The following CACNB1 variants were observed in gnomAD, a reference collection of about 807,000 sequenced individuals.
CACNB1 encodes the protein voltage-dependent L-type calcium channel subunit beta-1.
CACNB1 carries 29 observed loss-of-function variants against 71.6 expected under a neutral mutation model. The observed-to-expected ratio is 0.40, with a 90% CI of 0.30 to 0.55. The LOEUF (loss-of-function observed/expected upper bound fraction) is 0.55. Ranked by LOEUF, CACNB1 falls within the 20% of genes least tolerant of loss-of-function variation. The probability of loss-of-function intolerance (pLI) is 0.38; values close to 1 mark genes in which losing one functional copy is unlikely to be tolerated. For synonymous variants in CACNB1, 300 were observed against 319.6 expected (o/e 0.94, Z 0.65); for missense variants, 623 against 801.8 (o/e 0.78, Z 2.69).
At position 39,197,420 on chromosome 17, in the gene CACNB1, TG is replaced by T; in HGVS notation, c.75del (p.Ser26AlafsTer56). On this transcript the variant is annotated frameshift_variant, in exon 1 of 14. Transcript: ENST00000394303. LOFTEE classifies it high-confidence loss of function. ...GGGCCACCACGCCTCACCTGCGGGC[TG>T]GGGTCGAAGACCTCCATGGGGATCT... is the stretch of plus-strand genomic sequence containing the variant. Reference protein sequence around the residue: ...SQEIPMEVFDPSPQGKYSKRK... With the variant: ...SQEIPMEVFDXSPQGKYSKRK... 1 of 1,464,702 alleles carries T rather than the reference TG, an allele frequency of 6.8e-7. No individual in the cohort carries two copies. The highest frequency in any genetic ancestry group is 1.4e-5 in the South Asian group (1 of 73,272). The allele number at this position is 1,464,702 out of a possible 1,614,324, so 90.7% of individuals were successfully genotyped here. A position where few individuals can be genotyped will look rare whatever the true frequency, so the allele number is the denominator to read the frequency against.
intron 7 of CACNB1, 62 bp downstream of exon 7, chr17:39,185,069 G>C: frequency 6.7e-7 from 1 of 1,493,984 alleles, no homozygotes; most frequent in Non-Finnish European, 9.3e-7. Flanking sequence ...ATGGGTGTTA[G>C]AAGGTCCCCC....
In CACNB1 at chr17:39,184,862, T is replaced by C; in HGVS notation, c.651A>G (p.Thr217=). 1 of 1,272,844 alleles carries C rather than the reference T, an allele frequency of 7.9e-7. No homozygotes were observed. Among genetic ancestry groups the C allele is most frequent in the Non-Finnish European group, 1.1e-6 (1 of 881,822 alleles). 78.8% of individuals were successfully genotyped at this position (1,272,844 alleles called of 1,614,324 possible). A position where few individuals can be genotyped will look rare whatever the true frequency, so the allele number is the denominator to read the frequency against. Residue 217 remains threonine (T), a splice_region_variant and synonymous_variant, in exon 8 of 14, where the codon ACA becomes ACG. Transcript: ENST00000394303. ...CCACGTCATAGGGGGGCACATGCTCTGTCTGGGGGGGGAAGCAGGGAGGGG... is the reference window on the plus strand; with the variant it reads ...CCACGTCATAGGGGGGCACATGCTCCGTCTGGGGGGGGAAGCAGGGAGGGG... ...PASAKQKQKS[T]EHVPPYDVVP...
At position 39,186,654 on chromosome 17, in the gene CACNB1, G is replaced by A. The variant is rs984295342; in HGVS notation, c.552-82C>T. 1.5e-5 allele frequency: 22 copies of A among 1,506,994 alleles called. No individual in the cohort carries two copies. The highest frequency in any genetic ancestry group is 3.5e-4 in the Middle Eastern group (2 of 5,784). 93.4% of individuals were successfully genotyped at this position (1,506,994 alleles called of 1,614,324 possible). A position where few individuals can be genotyped will look rare whatever the true frequency, so the allele number is the denominator to read the frequency against. ...TCATCCTCTCACATGCGGCACCCCCGGAGGTGCTCCAGCCCCACTGGTGAT... is the reference window on the plus strand; with the variant it reads ...TCATCCTCTCACATGCGGCACCCCCAGAGGTGCTCCAGCCCCACTGGTGAT... On this transcript the variant is annotated intron_variant, in intron 5 of 13. Transcript: ENST00000394303. The surrounding 1 kb of genome is among the most constrained non-coding windows in gnomAD (Gnocchi z 4.1).
At position 39,186,130 on chromosome 17, in the gene CACNB1, G is replaced by C. The variant is rs748774678; in HGVS notation, c.628+366C>G. The stretch of plus-strand genomic sequence containing the variant: ...CTGGACCGGAGAGTCAGGAGAGAGG[G>C]AGGAGGGAGGCGAGGTGGGGAGAAG... On this transcript the variant is annotated intron_variant, in intron 6 of 13. Coordinates refer to ENST00000394303, the MANE Select transcript of CACNB1 (RefSeq NM_000723.5). The surrounding 1 kb of genome is among the most constrained non-coding windows in gnomAD (Gnocchi z 4.1). The C allele has an allele frequency of 2.7e-5, 43 of 1,607,946 alleles. No individual in the cohort carries two copies. The highest frequency in any genetic ancestry group is 3.4e-5 in the Non-Finnish European group (40 of 1,175,326).
At chr17:39,185,894 C>A in intron 6 of CACNB1, 1 of 1,566,120 alleles carries the variant, frequency 6.4e-7, no homozygotes, top group Non-Finnish European at 8.7e-7. Context: ...CCCTTCCCTC[C>A]ACCAAAGTGC....
At position 39,175,396 on chromosome 17, in the gene CACNB1, G is replaced by A. The variant is rs1385199844; in HGVS notation, c.1594C>T (p.Leu532Phe). 4 of 1,614,188 alleles carry A rather than the reference G, an allele frequency of 2.5e-6. No individual in the cohort carries two copies. The East Asian group carries it at 6.7e-5, about 27-fold the overall frequency. The stretch of plus-strand genomic sequence containing the variant: ...GTGCCGCCCCCTGCAGGGTCTCCAA[G>A]CCCTGGCCCCTCTGAGGGGTCAGTC... ...METDPSEGPG[L>F]GDPAGGGTPP... The change falls in exon 14 of 14, where the codon CTT (leucine) becomes TTT (phenylalanine). Residue 532 changes from leucine to phenylalanine, a missense_variant. Physicochemically the swap from Leu to Phe is conservative, Grantham distance 22. Transcript: ENST00000394303. This position sits in a 1 kb window ranked among gnomAD's most constrained non-coding sequence, Gnocchi z 4.7.
In CACNB1 at chr17:39,197,527, G is replaced by A; in HGVS notation, c.-32C>T. ...GAGCCTCCCCTCCCGCCGCCGGCCC[G>A]GCCCAGCCGGGCTCCCTCAGCGCAT... On this transcript the variant is annotated 5_prime_UTR_variant, in exon 1 of 14. Coordinates refer to ENST00000394303, the MANE Select transcript of CACNB1 (RefSeq NM_000723.5). 3 of 1,456,846 alleles carry A rather than the reference G, an allele frequency of 2.1e-6. No individual in the cohort carries two copies. Among genetic ancestry groups the A allele is most frequent in the Non-Finnish European group, 2.7e-6 (3 of 1,094,408 alleles). 90.2% of individuals were successfully genotyped at this position (1,456,846 alleles called of 1,614,324 possible).
In CACNB1 at chr17:39,186,586, G is replaced by C; in HGVS notation, c.552-14C>G. The C allele has an allele frequency of 6.2e-7, 1 of 1,611,440 alleles. No homozygotes were observed. The highest frequency in any genetic ancestry group is 8.5e-7 in the Non-Finnish European group (1 of 1,178,112). ...TCGCCTGATTTGCTGTGTGGGCAGA[G>C]GCAAACCGAGCTTGTGAGCAAAGAG... On this transcript the variant is annotated splice_polypyrimidine_tract_variant and intron_variant, in intron 5 of 13. Transcript: ENST00000394303. This position sits in a 1 kb window ranked among gnomAD's most constrained non-coding sequence, Gnocchi z 4.1.
rs1239268828 is a variant in CACNB1, at chr17:39,197,588, A to C, written c.-93T>G. 5.2e-6 allele frequency: 5 copies of C among 961,944 alleles called. No homozygotes were observed. The highest frequency in any genetic ancestry group is 7.5e-6 in the Non-Finnish European group (5 of 665,870). The allele number at this position is 961,944 out of a possible 1,614,324, so 59.6% of individuals were successfully genotyped here. ...GTGGGAGCCGAAAGCAGCGCGGCGCAGCCAGCACCCGGTCCAGCCACCCAG... is the reference window on the plus strand; with the variant it reads ...GTGGGAGCCGAAAGCAGCGCGGCGCCGCCAGCACCCGGTCCAGCCACCCAG... On this transcript the variant is annotated 5_prime_UTR_variant, in exon 1 of 14. Coordinates refer to ENST00000394303, the MANE Select transcript of CACNB1 (RefSeq NM_000723.5).
In CACNB1 at chr17:39,186,999, T is replaced by C; in HGVS notation, c.415-70A>G. On this transcript the variant is annotated intron_variant, in intron 4 of 13. Transcript: ENST00000394303. The surrounding 1 kb of genome is among the most constrained non-coding windows in gnomAD (Gnocchi z 4.1). Reference sequence around the variant, plus strand: ...TGCAGGGGCAAGCTAGCAGTCACTCTCTAGGGGAAACGCCCAGACTCACCT... The same window carrying C: ...TGCAGGGGCAAGCTAGCAGTCACTCCCTAGGGGAAACGCCCAGACTCACCT... 3.2e-6 allele frequency: 5 copies of C among 1,558,442 alleles called. No individual in the cohort carries two copies. The highest frequency in any genetic ancestry group is 4.4e-6 in the Non-Finnish European group (5 of 1,135,312).
At position 39,177,353 on chromosome 17, in the gene CACNB1, G is replaced by T. The variant is rs779111008; in HGVS notation, c.1329C>A (p.Leu443=). 2 of 1,613,316 alleles carry T rather than the reference G, an allele frequency of 1.2e-6. No individual in the cohort carries two copies. The highest frequency in any genetic ancestry group is 3.3e-5 in the Admixed American group (2 of 59,872). The change falls in exon 13 of 14, where the codon CTC becomes CTA. Residue 443 remains leucine (L), a synonymous_variant. Coordinates refer to ENST00000394303, the MANE Select transcript of CACNB1 (RefSeq NM_000723.5). ...LAASPAPVSN[L]QGPYLASGDQ... ...TGAGCGAGGTGAGCACCTGTACCTGGAGGTTGGAGACAGGGGCAGGGCTGG... is the reference window on the plus strand; with the variant it reads ...TGAGCGAGGTGAGCACCTGTACCTGTAGGTTGGAGACAGGGGCAGGGCTGG...
At chr17:39,185,555 A>AGC (rs1281440802) in intron 6 of CACNB1, among the ~76,000 whole-genome samples, 2 of 144,520 alleles carry the variant, frequency 1.4e-5, no homozygotes, top group African/African-American at 5.5e-5. Flanking sequence ...TGCAGCCAGC[A>AGC]GCCCCCCCCC....
At chr17:39,197,206 C>T (rs1246793691) in intron 1 of CACNB1, among the ~76,000 whole-genome samples, 1 of 152,040 alleles carries the variant, frequency 6.6e-6, no homozygotes, top group East Asian at 1.9e-4. Flanking sequence ...GCAGCCCACC[C>T]GCCCCCTCCC....
intron 1 of CACNB1, among the ~76,000 whole-genome samples, chr17:39,196,185 G>A (rs1027935627): frequency 2.6e-5 from 4 of 152,166 alleles, no homozygotes; most frequent in Non-Finnish European, 4.4e-5. Context: ...ACAAGAAAGA[G>A]GATGGAAAAT....
chr17:39,197,519 G>A lies in CACNB1; in HGVS notation c.-24C>T. 1.4e-6 allele frequency: 2 copies of A among 1,475,130 alleles called. No homozygotes were observed. Among genetic ancestry groups the A allele is most frequent in the Admixed American group, 2.6e-5 (1 of 38,898 alleles). 91.4% of individuals were successfully genotyped at this position (1,475,130 alleles called of 1,614,324 possible). On this transcript the variant is annotated 5_prime_UTR_variant, in exon 1 of 14. Transcript: ENST00000394303. ...ATGGAGAGGAGCCTCCCCTCCCGCCGCCGGCCCGGCCCAGCCGGGCTCCCT... is the reference window on the plus strand; with the variant it reads ...ATGGAGAGGAGCCTCCCCTCCCGCCACCGGCCCGGCCCAGCCGGGCTCCCT...
At chr17:39,180,948 A>G (rs2045741494) in intron 11 of CACNB1, among the ~76,000 whole-genome samples, 2 of 152,148 alleles carry the variant, frequency 1.3e-5, no homozygotes, top group African/African-American at 2.4e-5. Flanking sequence ...AAGTTAGTGA[A>G]TCCTGGTGAA....
intron 8 of CACNB1, 142 bp from the exon 9 acceptor site, chr17:39,184,525 G>A (rs1418891394): frequency 7.7e-6 from 5 of 653,268 alleles, no homozygotes; most frequent in Non-Finnish European, 1.4e-5. Flanking sequence ...GTCTGAGTCT[G>A]AGGGGCCTCC....
chr17:39,194,898 T>C lies in CACNB1; in HGVS notation c.157A>G (p.Ser53Gly), dbSNP rs2046171145. 6.2e-7 allele frequency: 1 copy of C among 1,611,798 alleles called. No individual in the cohort carries two copies. The highest frequency in any genetic ancestry group is 1.7e-5 in the Admixed American group (1 of 59,894). ...GSTSSDTTSNSFVRQGSAESY... is the reference protein window; with the variant it reads ...GSTSSDTTSNGFVRQGSAESY... ...CTCCCCATTACCTGGCGGACAAAGCTGTTGGATGTGGTATCCGAGGACGTG... is the reference window on the plus strand; with the variant it reads ...CTCCCCATTACCTGGCGGACAAAGCCGTTGGATGTGGTATCCGAGGACGTG... The change falls in exon 2 of 14, where the codon AGC becomes GGC. Residue 53 changes from serine to glycine, a missense_variant. Coordinates refer to ENST00000394303, the MANE Select transcript of CACNB1 (RefSeq NM_000723.5). The surrounding 1 kb of genome is among the most constrained non-coding windows in gnomAD (Gnocchi z 4.6).
chr17:39,186,415 G>A lies in CACNB1; in HGVS notation c.628+81C>T. 1 of 1,032,428 alleles carries A rather than the reference G, an allele frequency of 9.7e-7. No individual in the cohort carries two copies. Among genetic ancestry groups the A allele is most frequent in the East Asian group, 2.5e-5 (1 of 39,610 alleles). 64.0% of individuals were successfully genotyped at this position (1,032,428 alleles called of 1,614,324 possible). On this transcript the variant is annotated intron_variant, in intron 6 of 13. Transcript: ENST00000394303. This position sits in a 1 kb window ranked among gnomAD's most constrained non-coding sequence, Gnocchi z 4.1. ...CAGGATTGGGGTGTTTCCTACTGCA[G>A]GGAAAGGAGGATTCAGGGAGTGGGG...
Sources: gnomAD v4.1 joint callset for allele counts (sites outside exome capture counted in the v4.1 genomes callset) on GRCh38, gnomAD v4.1.1 for gene constraint, Gnocchi (gnomAD v3.1) non-coding constraint, MANE v1.5 for transcripts, NCBI Gene and HGNC (gene_info 2026-07-23, HGNC 2026-07-21) for gene names.